The following MAPRE2 variants were observed in gnomAD, a reference collection of about 807,000 sequenced individuals.
The protein encoded by MAPRE2 is microtubule associated protein RP/EB family member 2.
A neutral mutation model predicts 43.2 loss-of-function variants in MAPRE2; 13 were observed. The ratio of observed to expected loss-of-function variants is 0.30; its 90% CI spans 0.20 to 0.48. The LOEUF is 0.48. Ranked by LOEUF, MAPRE2 falls within the 20% of genes least tolerant of loss-of-function variation. The probability of loss-of-function intolerance (pLI) is 0.99; values close to 1 mark genes in which losing one functional copy is unlikely to be tolerated. For synonymous variants in MAPRE2, 135 were observed against 148.8 expected, an observed-to-expected ratio of 0.91 and a Z score of 0.68; for missense variants, 161 against 400.2, an observed-to-expected ratio of 0.40 and a Z score of 5.10.
chr18:35,048,684 C>T (rs1156635429), intron 1 of MAPRE2, among the ~76,000 whole-genome samples: 4 of 148,474 alleles, frequency 2.7e-5, no homozygotes, highest in African/African-American at 4.9e-5. Context: ...ACTATACGTA[C>T]ACTATACTAT....
At chr18:35,043,136 T>C (rs986841539) in intron 1 of MAPRE2, among the ~76,000 whole-genome samples, 1 of 152,070 alleles carries the variant, frequency 6.6e-6, no homozygotes, top group Non-Finnish European at 1.5e-5. Flanking sequence ...GGAGATATCC[T>C]TTCAGAGACC....
chr18:35,078,050 C>T (rs1330986753), intron 2 of MAPRE2, among the ~76,000 whole-genome samples: 1 of 152,072 alleles, frequency 6.6e-6, no homozygotes, highest in Non-Finnish European at 1.5e-5. Flanking sequence ...AAGACTTTAA[C>T]AGGAAGAGTG....
intron 2 of MAPRE2, 40 bp from the exon 3 acceptor site, chr18:35,097,406 C>A: frequency 6.3e-7 from 1 of 1,597,544 alleles, no homozygotes; most frequent in Non-Finnish European, 8.6e-7. Context: ...CATCTGGGTA[C>A]AGTGAGACTC....
At chr18:35,041,363 A>G, upstream of MAPRE2, 1 of 1,451,296 alleles carries the variant, frequency 6.9e-7, no homozygotes. Flanking sequence ...CTCTGACGTC[A>G]GCTGCCAGAG....
At chr18:34,999,143 T>C (rs1465160286) in intron 1 of MAPRE2, among the ~76,000 whole-genome samples, 6 of 152,176 alleles carry the variant, frequency 3.9e-5, no homozygotes, top group African/African-American at 1.2e-4. Context: ...TTCTGCCACG[T>C]AACATGCATT....
At chr18:35,003,588 AAAAAGGC>A (rs2097030413) in intron 1 of MAPRE2, among the ~76,000 whole-genome samples, 3 of 152,266 alleles carry the variant, frequency 2.0e-5, no homozygotes, top group Non-Finnish European at 4.4e-5. Flanking sequence ...CAGAAAATAG[AAAAAGGC>A]CAATTGTATA....
Position 34,999,107 on chromosome 18 carries a change from T to C in MAPRE2, c.-69-6385T>C, listed in dbSNP as rs571069593. 4.9e-4 allele frequency among the ~76,000 whole-genome samples: 75 copies of C among 152,284 alleles called. 1 individual carries two copies. Among genetic ancestry groups the C allele is most frequent in the Middle Eastern group, 6.8e-3 (2 of 292 alleles). Reference sequence around the variant, plus strand: ...TGGGCTCTGAAATGAAACCTCTCTCTGTGCTACTTTGACACGTAACATGCA... The same window carrying C: ...TGGGCTCTGAAATGAAACCTCTCTCCGTGCTACTTTGACACGTAACATGCA... On this transcript the variant is annotated intron_variant, in intron 1 of 7. Transcript: ENST00000413393.
At chr18:35,082,496 A>C (rs1218227970) in intron 2 of MAPRE2, among the ~76,000 whole-genome samples, 2 of 151,714 alleles carry the variant, frequency 1.3e-5, no homozygotes, top group Non-Finnish European at 2.9e-5. Flanking sequence ...CCTACCCATA[A>C]CCTGTATTTC....
At chr18:35,037,839 T>C (rs1451926235), upstream of MAPRE2, among the ~76,000 whole-genome samples, 1 of 152,168 alleles carries the variant, frequency 6.6e-6, no homozygotes, top group African/African-American at 2.4e-5. Flanking sequence ...ATATCTTTCC[T>C]TTCCCCAGCC....
intron 6 of MAPRE2, among the ~76,000 whole-genome samples, chr18:35,135,967 A>G (rs1156975214): frequency 6.6e-6 from 1 of 152,168 alleles, no homozygotes; most frequent in East Asian, 1.9e-4. Flanking sequence ...TTGAGGTAGG[A>G]GTATTTGCTG....
intron 2 of MAPRE2, among the ~76,000 whole-genome samples, chr18:35,024,012 T>C (rs909461552): frequency 6.6e-6 from 1 of 152,170 alleles, no homozygotes; most frequent in African/African-American, 2.4e-5. Context: ...TATACTACCA[T>C]AAAGAACCAC....
At chr18:35,034,067 G>A (rs1166727236) in intron 2 of MAPRE2, among the ~76,000 whole-genome samples, 1 of 151,888 alleles carries the variant, frequency 6.6e-6, no homozygotes, top group Admixed American at 6.6e-5. Flanking sequence ...TCAATCCTAA[G>A]CAAAAGAACA....
At chr18:35,135,196 G>A (rs529520463) in intron 6 of MAPRE2, among the ~76,000 whole-genome samples, 66 of 152,346 alleles carry the variant, frequency 4.3e-4, no homozygotes, top group Admixed American at 1.7e-3. Flanking sequence ...CAGAGAGTAA[G>A]CCGTTTGATC....
At chr18:35,062,061 G>A (rs1906560035) in intron 1 of MAPRE2, among the ~76,000 whole-genome samples, 2 of 152,224 alleles carry the variant, frequency 1.3e-5, no homozygotes, top group African/African-American at 4.8e-5. Context: ...AGGGGAGGCT[G>A]TGGGAGATTT....
At chr18:35,043,466 T>C (rs1354697927) in intron 1 of MAPRE2, among the ~76,000 whole-genome samples, 6 of 152,224 alleles carry the variant, frequency 3.9e-5, no homozygotes, top group Admixed American at 6.5e-5. Context: ...ACAGAAAGGT[T>C]AAATGTTACG....
chr18:35,045,196 C>G (rs1905558892), intron 1 of MAPRE2, among the ~76,000 whole-genome samples: 1 of 152,186 alleles, frequency 6.6e-6, no homozygotes, highest in African/African-American at 2.4e-5. Flanking sequence ...TGTGGGCCAT[C>G]CGAGGTGACA....
At chr18:34,991,041 CA>C (rs943166269) in intron 1 of MAPRE2, among the ~76,000 whole-genome samples, 2 of 152,082 alleles carry the variant, frequency 1.3e-5, no homozygotes, top group African/African-American at 4.8e-5. Flanking sequence ...ATTTTAGATT[CA>C]GGGGGGCACA....
At chr18:35,100,755 T>C (rs1389792311) in intron 3 of MAPRE2, among the ~76,000 whole-genome samples, 1 of 152,176 alleles carries the variant, frequency 6.6e-6, no homozygotes, top group Non-Finnish European at 1.5e-5. Context: ...TTAAAAAGTT[T>C]ATCAGCCAGG....
At chr18:35,010,269 G>T (rs553235397) in intron 2 of MAPRE2, among the ~76,000 whole-genome samples, 1 of 152,150 alleles carries the variant, frequency 6.6e-6, no homozygotes, top group East Asian at 1.9e-4. Context: ...TAGCCAGTGT[G>T]GTGGCCCATG....
Sources: gnomAD v4.1 joint callset for allele counts (sites outside exome capture counted in the v4.1 genomes callset) on GRCh38, gnomAD v4.1.1 for gene constraint, MANE v1.5 for transcripts, NCBI Gene and HGNC (gene_info 2026-07-23, HGNC 2026-07-21) for gene names.